TESK2: variants seen among roughly 807,000 people sequenced by gnomAD.
TESK2 encodes the protein dual specificity testis-specific protein kinase 2.
In TESK2, 39 loss-of-function variants were observed where a neutral mutation model predicts 57.1. The observed-to-expected ratio is 0.68, with a 90% CI of 0.53 to 0.89. The LOEUF is 0.89. TESK2 is among the 40% of genes least tolerant of loss of function. TESK2 has a pLI of 0.00. For missense variants in TESK2, 646 were observed against 732.1 expected, an observed-to-expected ratio of 0.88 and a Z score of 1.36; for synonymous variants, 249 against 267.9, an observed-to-expected ratio of 0.93 and a Z score of 0.69.
rs1220413553 is a variant in TESK2 at position 45,491,043 on chromosome 1, C to G, written c.-278G>C. ...GCGGCGGCGGCGAACGAGGAGACTA[C>G]TGCCATGGCCCCACAGTCGGGGCCG... is the stretch of plus-strand genomic sequence containing the variant. On this transcript the variant is annotated 5_prime_UTR_variant, in exon 1 of 11. Coordinates refer to ENST00000372086, the MANE Select transcript of TESK2 (RefSeq NM_007170.3). The G allele has an allele frequency of 2.0e-5, 3 of 152,288 alleles. No homozygotes were observed. The highest frequency in any genetic ancestry group is 4.4e-5 in the Non-Finnish European group (3 of 68,084). 9.4% of individuals were successfully genotyped at this position (152,288 alleles called of 1,614,324 possible). A position where few individuals can be genotyped will look rare whatever the true frequency, so the allele number is the denominator to read the frequency against.
chr1:45,424,790 A>G (rs1262377692), intron 2 of TESK2, among the ~76,000 whole-genome samples: 1 of 152,260 alleles, frequency 6.6e-6, no homozygotes, highest in Non-Finnish European at 1.5e-5. Context: ...GTGATACATT[A>G]TATCAACAGA....
At chr1:45,352,280 G>C (rs531217296) in intron 5 of TESK2, among the ~76,000 whole-genome samples, 1 of 152,244 alleles carries the variant, frequency 6.6e-6, no homozygotes, top group South Asian at 2.1e-4. Flanking sequence ...ACCCAAGAAA[G>C]TACAGCCCAG....
chr1:45,394,629 CA>C (rs922441358), intron 3 of TESK2, among the ~76,000 whole-genome samples: 1 of 122,330 alleles, frequency 8.2e-6, no homozygotes, highest in Non-Finnish European at 1.7e-5. Context: ...AGCCTTTAAA[CA>C]AATGACTGTT....
intron 3 of TESK2, among the ~76,000 whole-genome samples, chr1:45,410,155 C>T (rs1407694850): frequency 6.7e-6 from 1 of 149,932 alleles, no homozygotes; most frequent in Non-Finnish European, 1.5e-5. Context: ...GACTCTGTCT[C>T]AAAAAAAAAT....
chr1:45,489,299 A>G (rs1653616571), intron 1 of TESK2, among the ~76,000 whole-genome samples: 1 of 151,948 alleles, frequency 6.6e-6, no homozygotes, highest in Non-Finnish European at 1.5e-5. Flanking sequence ...TCTCTTTTTC[A>G]GTGTCTATTA....
intron 3 of TESK2, among the ~76,000 whole-genome samples, chr1:45,400,393 G>C (rs1046302646): frequency 6.6e-6 from 1 of 152,158 alleles, no homozygotes; most frequent in African/African-American, 2.4e-5. Flanking sequence ...TCAGACCTCT[G>C]ACTTATAGAA....
intron 2 of TESK2, among the ~76,000 whole-genome samples, chr1:45,423,377 G>A (rs1650559304): frequency 6.6e-6 from 1 of 152,008 alleles, no homozygotes; most frequent in African/African-American, 2.4e-5. Context: ...CTAACATGGT[G>A]AAATCCCGTC....
intron 3 of TESK2, chr1:45,415,303 AC>A: frequency 8.2e-7 from 1 of 1,225,018 alleles, no homozygotes; most frequent in Non-Finnish European, 1.2e-6. Context: ...GAATGGCAAG[AC>A]CAGCAAGGAG....
chr1:45,429,912 C>T (rs2149289833), intron 2 of TESK2, among the ~76,000 whole-genome samples: 1 of 152,322 alleles, frequency 6.6e-6, no homozygotes, highest in Non-Finnish European at 1.5e-5. Flanking sequence ...TAATAATACA[C>T]TCTCAGGTCT....
intron 2 of TESK2, among the ~76,000 whole-genome samples, chr1:45,447,768 C>T (rs12073132): frequency 0.021 from 3,132 of 152,134 alleles, 75 homozygotes; most frequent in African/African-American, 0.058. Context: ...ACCACCGTCA[C>T]GGGTAATACA....
rs137954666 is a variant in TESK2, at chr1:45,392,179, G to A, written c.345-6219C>T. On this transcript the variant is annotated intron_variant, in intron 3 of 10. Transcript: ENST00000372086. Reference sequence around the variant, plus strand: ...TGCCTCACTGCAACCTCCGCCTCCCGGGTTCAAGCAATTCTCCTGCCTCAG... The same window carrying A: ...TGCCTCACTGCAACCTCCGCCTCCCAGGTTCAAGCAATTCTCCTGCCTCAG... Among the ~76,000 whole-genome samples the A allele has an allele frequency of 7.4e-3, 1,124 of 152,244 alleles. 8 individuals are homozygous for A. The highest frequency in any genetic ancestry group is 0.027 in the Middle Eastern group (8 of 294).
At chr1:45,434,446 TA>T (rs1405883102) in intron 2 of TESK2, among the ~76,000 whole-genome samples, 3 of 125,996 alleles carry the variant, frequency 2.4e-5, no homozygotes, top group Non-Finnish European at 3.4e-5. Flanking sequence ...TGTGCACCAC[TA>T]CATCCAGCTA....
chr1:45,464,243 T>C (rs1053517656), intron 1 of TESK2, among the ~76,000 whole-genome samples: 11 of 152,076 alleles, frequency 7.2e-5, no homozygotes, highest in African/African-American at 2.7e-4. Context: ...CTGGCCAACA[T>C]GGTGAAACCC....
At chr1:45,425,401 C>A (rs1650646392) in intron 2 of TESK2, among the ~76,000 whole-genome samples, 1 of 152,124 alleles carries the variant, frequency 6.6e-6, no homozygotes, top group Non-Finnish European at 1.5e-5. Context: ...GCCTGTAATC[C>A]CAATACTTTG....
At chr1:45,360,324 G>T (rs944505342) in intron 4 of TESK2, among the ~76,000 whole-genome samples, 5 of 152,092 alleles carry the variant, frequency 3.3e-5, no homozygotes, top group Admixed American at 1.3e-4. Context: ...GGTAGGCAGT[G>T]GTTCACTTCT....
At chr1:45,382,221 G>A (rs557263644) in intron 4 of TESK2, among the ~76,000 whole-genome samples, 1 of 152,090 alleles carries the variant, frequency 6.6e-6, no homozygotes, top group Admixed American at 6.6e-5. Flanking sequence ...GGTTTCATGT[G>A]ACTTTTCACC....
chr1:45,392,538 C>G (rs1409608268), intron 3 of TESK2, among the ~76,000 whole-genome samples: 2 of 151,796 alleles, frequency 1.3e-5, no homozygotes, highest in African/African-American at 4.8e-5. Flanking sequence ...CCTGTCTCTA[C>G]TAAAAATACA....
rs376782332 is a variant in TESK2 at position 45,469,063 on chromosome 1, G to GT, written c.-86-11193dup. On this transcript the variant is annotated intron_variant, in intron 1 of 10. Coordinates refer to ENST00000372086, the MANE Select transcript of TESK2 (RefSeq NM_007170.3). ...TTTTCTTTTCTACATAGGTAGGTTT[G>GT]TTTTTTCAAATATTAATTTCATTTA... Among the ~76,000 whole-genome samples, 655 of 152,082 alleles carry GT rather than the reference G, an allele frequency of 4.3e-3. 7 individuals are homozygous for GT. The highest frequency in any genetic ancestry group is 0.015 in the African/African-American group (618 of 41,486).
At chr1:45,447,852 T>C (rs1415735625) in intron 2 of TESK2, among the ~76,000 whole-genome samples, 2 of 152,086 alleles carry the variant, frequency 1.3e-5, no homozygotes, top group African/African-American at 2.4e-5. Context: ...TATAACCTTA[T>C]AGGACCACCA....
Sources: allele counts gnomAD v4.1 joint callset (sites outside exome capture counted in the v4.1 genomes callset), GRCh38; gene constraint gnomAD v4.1.1; transcripts MANE v1.5; gene names NCBI Gene and HGNC (gene_info 2026-07-23, HGNC 2026-07-21).